PHKA2: variants seen among roughly 807,000 people sequenced by gnomAD.
The protein encoded by PHKA2 is phosphorylase b kinase regulatory subunit alpha, liver isoform.
In PHKA2, 31 loss-of-function variants were observed where a neutral mutation model predicts 102.0. The ratio of observed to expected loss-of-function variants is 0.30; its 90% CI spans 0.23 to 0.41. PHKA2 has a LOEUF of 0.41. Ranked by LOEUF, PHKA2 falls within the 10% of genes least tolerant of loss-of-function variation. The pLI, the probability that PHKA2 is intolerant of heterozygous loss-of-function variation, is 1.00. For synonymous variants in PHKA2, 455 were observed against 416.2 expected (o/e 1.09, Z -1.13); for missense variants, 858 against 1,023.1 (o/e 0.84, Z 2.20).
In PHKA2 at chrX:18,905,330, C is replaced by A. The variant is rs369463831; in HGVS notation, c.2908+428G>T. Among the ~76,000 whole-genome samples the A allele has an allele frequency of 1.2e-4, 13 of 111,923 alleles. No individual in the cohort carries two copies. In the East Asian group the frequency reaches 2.8e-3, roughly 24 times the overall value. On this transcript the variant is annotated intron_variant, in intron 26 of 32. Transcript: ENST00000379942. Reference sequence around the variant, plus strand: ...CTGGGATTACAGGCGCGCGCCACCACGCCTGACTAATTTTTTTTGTATTTT... The same window carrying A: ...CTGGGATTACAGGCGCGCGCCACCAAGCCTGACTAATTTTTTTTGTATTTT...
At position 18,906,479 on chromosome X, in the gene PHKA2, G is replaced by A. The variant is rs199503796; in HGVS notation, c.2806+16C>T. On this transcript the variant is annotated intron_variant, in intron 25 of 32. Transcript: ENST00000379942. Reference sequence around the variant, plus strand: ...GTGGGGTGCGGCGGGAGCTGCAGGAGCTGCGGGCATCTCACCTGAGCAGTT... The same window carrying A: ...GTGGGGTGCGGCGGGAGCTGCAGGAACTGCGGGCATCTCACCTGAGCAGTT... 9.0e-5 allele frequency: 109 copies of A among 1,210,190 alleles called. No individual in the cohort carries two copies. In the East Asian group the frequency reaches 2.5e-3, roughly 28 times the overall value.
At chrX:18,901,882 G>A (rs975353639) in intron 26 of PHKA2, among the ~76,000 whole-genome samples, 1 of 109,456 alleles carries the variant, frequency 9.1e-6, no homozygotes, top group East Asian at 2.9e-4. Flanking sequence ...TCACTCTGTC[G>A]CCCAGGCTGG....
In PHKA2 at chrX:18,893,154, G is replaced by A. The variant is rs1461591145; in HGVS notation, c.*331C>T. 1.6e-5 allele frequency: 5 copies of A among 307,436 alleles called. No homozygotes were observed. The highest frequency in any genetic ancestry group is 6.5e-5 in the East Asian group (1 of 15,457). The allele number at this position is 307,436 out of a possible 1,213,427, so 25.3% of individuals were successfully genotyped here. A position where few individuals can be genotyped will look rare whatever the true frequency, so the allele number is the denominator to read the frequency against. ...TCTGCAAGAGCCAATTTAAGCTGGC[G>A]TCTCAGTTCCCTCTGCACTCAAAAG... is the stretch of plus-strand genomic sequence containing the variant. On this transcript the variant is annotated 3_prime_UTR_variant, in exon 33 of 33. Transcript: ENST00000379942.
At chrX:18,894,671 T>A in intron 31 of PHKA2, 3 of 426,296 alleles carry the variant, frequency 7.0e-6, no homozygotes, top group Non-Finnish European at 1.2e-5. Context: ...CAGGGACCAT[T>A]TCTGGTTTCT....
chrX:18,909,810 T>C (rs989081948), intron 20 of PHKA2, among the ~76,000 whole-genome samples: 6 of 112,481 alleles, frequency 5.3e-5, no homozygotes, highest in Non-Finnish European at 1.1e-4. Flanking sequence ...GTCAAGCGGC[T>C]TCTAGACGGA....
rs763429165 is a variant in PHKA2, at chrX:18,958,653, G to C, written c.79-4241C>G. Among the ~76,000 whole-genome samples, 457 of 109,236 alleles carry C rather than the reference G, an allele frequency of 4.2e-3. 1 individual carries two copies. Among genetic ancestry groups the C allele is most frequent in the African/African-American group, 0.014 (411 of 29,975 alleles). 94.9% of individuals were successfully genotyped at this position (109,236 alleles called of 115,157 possible). On this transcript the variant is annotated intron_variant, in intron 1 of 32. Transcript: ENST00000379942. The stretch of plus-strand genomic sequence containing the variant: ...CCAGTCATTCTTGTCTGGGAGGGAG[G>C]GCGGGCCACTGGATTTGCTCTTCTG...
In PHKA2 at chrX:18,975,148, T is replaced by C. The variant is rs1000325288; in HGVS notation, c.78+8707A>G. On this transcript the variant is annotated intron_variant, in intron 1 of 32. Transcript: ENST00000379942. The stretch of plus-strand genomic sequence containing the variant: ...TATCATTTCTACTTGGATACTGATA[T>C]GATTTGGCTCTGTGTCCCCACCCAT... 1.3e-4 allele frequency among the ~76,000 whole-genome samples: 15 copies of C among 111,814 alleles called. No individual in the cohort carries two copies. The Admixed American group carries it at 1.4e-3, about 11-fold the overall frequency.
At chrX:18,971,921 T>C (rs1203722070) in intron 1 of PHKA2, among the ~76,000 whole-genome samples, 2 of 112,758 alleles carry the variant, frequency 1.8e-5, no homozygotes, top group Non-Finnish European at 3.7e-5. Context: ...ATCTTTCCCA[T>C]TCTGTAGCTC....
intron 22 of PHKA2, 145 bp downstream of exon 22, chrX:18,907,755 G>T: frequency 3.4e-6 from 2 of 591,341 alleles, no homozygotes; most frequent in Non-Finnish European, 5.7e-6. Flanking sequence ...CAGCAGGCAG[G>T]CAGGAGAGAA....
intron 19 of PHKA2, among the ~76,000 whole-genome samples, chrX:18,912,137 T>C (rs2047937824): frequency 8.9e-6 from 1 of 112,663 alleles, no homozygotes; most frequent in African/African-American, 3.2e-5. Context: ...AAGGCATTTA[T>C]AGACCTCCAG....
intron 12 of PHKA2, among the ~76,000 whole-genome samples, chrX:18,930,765 G>A (rs2048300759): frequency 1.8e-5 from 2 of 111,339 alleles, no homozygotes; most frequent in South Asian, 7.5e-4. Context: ...TGAGGTACCT[G>A]TAAAACAACT....
intron 20 of PHKA2, among the ~76,000 whole-genome samples, chrX:18,909,765 T>A (rs982755477): frequency 8.9e-6 from 1 of 112,497 alleles, no homozygotes; most frequent in African/African-American, 3.2e-5. Context: ...AGACAGCTAA[T>A]CACCTTTGTA....
chrX:18,984,024 A>T lies in PHKA2; in HGVS notation c.-92T>A. 1 of 718,639 alleles carries T rather than the reference A, an allele frequency of 1.4e-6. No homozygotes were observed. Among genetic ancestry groups the T allele is most frequent in the Non-Finnish European group, 2.2e-6 (1 of 451,877 alleles). 59.2% of individuals were successfully genotyped at this position (718,639 alleles called of 1,213,427 possible). On this transcript the variant is annotated 5_prime_UTR_variant, in exon 1 of 33. Transcript: ENST00000379942. ...CTCCAAGCGGGTCTGGTTCCCGGAC[A>T]CTCACAGCCTTAGTCGGTTCTTGGG...
At position 18,944,470 on chromosome X, in the gene PHKA2, G is replaced by A. The variant is rs762219077; in HGVS notation, c.618+608C>T. 1.8e-5 allele frequency among the ~76,000 whole-genome samples: 2 copies of A among 111,888 alleles called. 1 individual carries two copies. Among genetic ancestry groups the A allele is most frequent in the South Asian group, 7.5e-4 (2 of 2,672 alleles). ...CTGTCCAAAAAATACATTACATTCT[G>A]GAGGAGGGAGGGAAGGAGGCACACC... is the stretch of plus-strand genomic sequence containing the variant. On this transcript the variant is annotated intron_variant, in intron 6 of 32. Transcript: ENST00000379942.
intron 1 of PHKA2, among the ~76,000 whole-genome samples, chrX:18,955,374 GTTTTT>G (rs35875518): frequency 1.1e-5 from 1 of 90,310 alleles, no homozygotes. Flanking sequence ...GCTGCTAGTA[GTTTTT>G]TTTTTTTTTT....
chrX:18,965,597 G>A (rs2048929317), intron 1 of PHKA2, among the ~76,000 whole-genome samples: 2 of 110,433 alleles, frequency 1.8e-5, no homozygotes, highest in South Asian at 7.8e-4. Flanking sequence ...GTGTGTGGGG[G>A]GTGCACATTG....
chrX:18,949,105 C>T (rs1601773639), intron 4 of PHKA2, among the ~76,000 whole-genome samples: 1 of 111,081 alleles, frequency 9.0e-6, no homozygotes, highest in East Asian at 2.8e-4. Context: ...AGATTTGGGA[C>T]CTCTGGTACA....
intron 1 of PHKA2, among the ~76,000 whole-genome samples, chrX:18,975,424 G>A (rs764926374): frequency 3.6e-5 from 4 of 111,843 alleles, no homozygotes; most frequent in East Asian, 5.6e-4. Context: ...CCCCAGCCAC[G>A]TGGAACTGTA....
chrX:18,892,853 A>G lies in PHKA2; in HGVS notation c.*632T>C, dbSNP rs1016514528. 1 of 113,621 alleles carries G rather than the reference A, an allele frequency of 8.8e-6. No individual in the cohort carries two copies. The highest frequency in any genetic ancestry group is 3.3e-5 in the African/African-American group (1 of 30,438). The allele number at this position is 113,621 out of a possible 1,213,427, so 9.4% of individuals were successfully genotyped here. A position where few individuals can be genotyped will look rare whatever the true frequency, so the allele number is the denominator to read the frequency against. On this transcript the variant is annotated 3_prime_UTR_variant, in exon 33 of 33. Transcript: ENST00000379942. Reference sequence around the variant, plus strand: ...TAAAAACCCTGGAAGACCATGAGCCAAGGTGAACGAAGAGGAATTTTCTAA... The same window carrying G: ...TAAAAACCCTGGAAGACCATGAGCCGAGGTGAACGAAGAGGAATTTTCTAA...
Sources: allele counts gnomAD v4.1 joint callset (sites outside exome capture counted in the v4.1 genomes callset), GRCh38; gene constraint gnomAD v4.1.1; transcripts MANE v1.5; gene names NCBI Gene and HGNC (gene_info 2026-07-23, HGNC 2026-07-21).